Variants in MALSU1 observed in about 807,000 individuals in gnomAD.
MALSU1 encodes the protein mitochondrial assembly of ribosomal large subunit 1, also known as mitochondrial assembly of ribosomal large subunit protein 1.
Under a neutral mutation model 22.1 loss-of-function variants are expected in MALSU1, and 22 were observed. The observed-to-expected ratio is 1.00, with a 90% CI of 0.71 to 1.42. MALSU1 has a LOEUF of 1.42. Among genes scored for constraint, MALSU1 ranks in the 40% most tolerant of loss-of-function variants. The pLI, the probability that MALSU1 is intolerant of heterozygous loss-of-function variation, is 0.00. For synonymous variants in MALSU1, 153 were observed against 118.5 expected (o/e 1.29, Z -1.89); for missense variants, 379 against 308.3 (o/e 1.23, Z -1.72).
At chr7:23,301,194 C>T in intron 2 of MALSU1, 177 bp downstream of exon 2, 1 of 563,716 alleles carries the variant, frequency 1.8e-6, no homozygotes, top group Admixed American at 3.1e-5. Flanking sequence ...CATATGGGAG[C>T]AAATATCCAG....
intron 2 of MALSU1, among the ~76,000 whole-genome samples, chr7:23,304,984 A>G (rs1783705859): frequency 6.6e-6 from 1 of 152,138 alleles, no homozygotes; most frequent in Non-Finnish European, 1.5e-5. Flanking sequence ...TTGGTATTAT[A>G]TCTAATAAAT....
At chr7:23,302,606 T>G (rs1249471076) in intron 2 of MALSU1, among the ~76,000 whole-genome samples, 1 of 152,172 alleles carries the variant, frequency 6.6e-6, no homozygotes, top group Non-Finnish European at 1.5e-5. Context: ...GTCAGAAGAC[T>G]TAGTGACCAT....
intron 2 of MALSU1, chr7:23,301,239 C>G (rs1783641006): frequency 5.1e-6 from 2 of 395,380 alleles, no homozygotes; most frequent in African/African-American, 4.1e-5. Context: ...AATCTTTTCT[C>G]TTGTGACCGC....
intron 2 of MALSU1, among the ~76,000 whole-genome samples, chr7:23,307,120 C>T (rs556966806): frequency 6.6e-5 from 10 of 152,264 alleles, no homozygotes; most frequent in East Asian, 3.9e-4. Flanking sequence ...TTTGCTATTT[C>T]GTCTAGGTTA....
At position 23,309,417 on chromosome 7, in the gene MALSU1, A is replaced by G. The variant is rs767836234; in HGVS notation, c.579A>G (p.Leu193=). 2 of 1,613,618 alleles carry G rather than the reference A, an allele frequency of 1.2e-6. No individual in the cohort carries two copies. Among genetic ancestry groups the G allele is most frequent in the Non-Finnish European group, 8.5e-7 (1 of 1,179,850 alleles). ...GAGAAATCTATGAATTAGAGAAATT[A>G]TGGACCCTACGTTCTTATGATGACC... ...ETREIYELEK[L]WTLRSYDDQL... is the part of the protein sequence containing the mutation. The change falls in exon 4 of 4, where the codon TTA becomes TTG. Residue 193 remains leucine (L), a synonymous_variant. Coordinates refer to ENST00000466681, the MANE Select transcript of MALSU1 (RefSeq NM_138446.2).
intron 2 of MALSU1, among the ~76,000 whole-genome samples, chr7:23,301,645 C>T (rs1195723369): frequency 1.3e-5 from 2 of 152,304 alleles, no homozygotes; most frequent in East Asian, 3.9e-4. Flanking sequence ...ACGGTAGCCA[C>T]TAGCTACATG....
chr7:23,301,764 A>G (rs1783651930), intron 2 of MALSU1, among the ~76,000 whole-genome samples: 1 of 152,124 alleles, frequency 6.6e-6, no homozygotes, highest in South Asian at 2.1e-4. Flanking sequence ...AGGTCAAAAG[A>G]TCAAGACCAT....
chr7:23,300,727 A>C (rs1783630848), intron 1 of MALSU1, 112 bp from the exon 2 acceptor site: 2 of 901,542 alleles, frequency 2.2e-6, no homozygotes, highest in Non-Finnish European at 3.5e-6. Flanking sequence ...CTGTAAAAAC[A>C]CTTTGGATCT....
In MALSU1 at chr7:23,303,262, C is replaced by T. The variant is rs548836812; in HGVS notation, c.435+2245C>T. On this transcript the variant is annotated intron_variant, in intron 2 of 3. Transcript: ENST00000466681. The stretch of plus-strand genomic sequence containing the variant: ...TGTCTCTATGAATTTGACTACTTTT[C>T]AGTATCTCATAAAAGTAGAATCATA... Among the ~76,000 whole-genome samples, 7 of 152,318 alleles carry T rather than the reference C, an allele frequency of 4.6e-5. 1 individual carries two copies. Among genetic ancestry groups the T allele is most frequent in the African/African-American group, 1.7e-4 (7 of 41,570 alleles).
In MALSU1 at chr7:23,310,821, T is replaced by A. The variant is rs1783805403; in HGVS notation, c.*1278T>A. 1 of 152,200 alleles carries A rather than the reference T, an allele frequency of 6.6e-6. No individual in the cohort carries two copies. The highest frequency in any genetic ancestry group is 1.9e-4 in the East Asian group (1 of 5,202). The allele number at this position is 152,200 out of a possible 1,614,324, so 9.4% of individuals were successfully genotyped here. A position where few individuals can be genotyped will look rare whatever the true frequency, so the allele number is the denominator to read the frequency against. On this transcript the variant is annotated 3_prime_UTR_variant, in exon 4 of 4. Coordinates refer to ENST00000466681, the MANE Select transcript of MALSU1 (RefSeq NM_138446.2). ...TTTTAAAGGGTTATATATATGTCCT[T>A]TAGATCAGTGTAACATGACTGTGAT... is the stretch of plus-strand genomic sequence containing the variant.
At chr7:23,306,582 G>A (rs1309966276) in intron 2 of MALSU1, among the ~76,000 whole-genome samples, 1 of 152,136 alleles carries the variant, frequency 6.6e-6, no homozygotes, top group Non-Finnish European at 1.5e-5. Context: ...TTCTCACATG[G>A]CCCTTATTAT....
chr7:23,304,977 G>A (rs1487278904), intron 2 of MALSU1, among the ~76,000 whole-genome samples: 2 of 152,032 alleles, frequency 1.3e-5, no homozygotes, highest in Admixed American at 1.3e-4. Flanking sequence ...TGTGTCTTTG[G>A]TATTATATCT....
At chr7:23,304,772 A>G (rs1382982164) in intron 2 of MALSU1, among the ~76,000 whole-genome samples, 4 of 152,200 alleles carry the variant, frequency 2.6e-5, no homozygotes, top group African/African-American at 9.6e-5. Flanking sequence ...CCATTTTAAA[A>G]TCAGGTTGTT....
At chr7:23,299,941 A>G (rs1783619428) in intron 1 of MALSU1, among the ~76,000 whole-genome samples, 1 of 151,984 alleles carries the variant, frequency 6.6e-6, no homozygotes, top group African/African-American at 2.4e-5. Context: ...GGGCTTGAGG[A>G]TTCTGAGGAG....
rs894462192 is a variant in MALSU1 at position 23,309,683 on chromosome 7, G to T, written c.*140G>T. The T allele has an allele frequency of 5.1e-6, 3 of 588,502 alleles. No homozygotes were observed. The highest frequency in any genetic ancestry group is 6.2e-5 in the East Asian group (2 of 32,056). 36.5% of individuals were successfully genotyped at this position (588,502 alleles called of 1,614,324 possible). A position where few individuals can be genotyped will look rare whatever the true frequency, so the allele number is the denominator to read the frequency against. On this transcript the variant is annotated 3_prime_UTR_variant, in exon 4 of 4. Transcript: ENST00000466681. ...ACCTCATGGGCACTCCTGCTAACTG[G>T]CATGCAGAGACTGTCGATAAGTGAG...
At chr7:23,306,449 A>G (rs1443854974) in intron 2 of MALSU1, among the ~76,000 whole-genome samples, 1 of 150,786 alleles carries the variant, frequency 6.6e-6, no homozygotes, top group Non-Finnish European at 1.5e-5. Context: ...TTTATTGACG[A>G]ATTGCTCTGA....
intron 2 of MALSU1, among the ~76,000 whole-genome samples, chr7:23,307,000 G>C (rs905311810): frequency 1.3e-5 from 2 of 152,140 alleles, no homozygotes; most frequent in Non-Finnish European, 2.9e-5. Context: ...TCTGGTCTAG[G>C]ACTTTTGTTG....
Position 23,301,248 on chromosome 7 carries a change from G to T in MALSU1, c.435+231G>T, listed in dbSNP as rs947555494. Reference sequence around the variant, plus strand: ...TATCAAAATCTTTTCTCTTGTGACCGCAAGGAAGATTTTTTTTTTTTTTCT... The same window carrying T: ...TATCAAAATCTTTTCTCTTGTGACCTCAAGGAAGATTTTTTTTTTTTTTCT... On this transcript the variant is annotated intron_variant, in intron 2 of 3. Transcript: ENST00000466681. 7 of 375,984 alleles carry T rather than the reference G, an allele frequency of 1.9e-5. No homozygotes were observed. In the East Asian group the frequency reaches 2.1e-4, roughly 11 times the overall value. The allele number at this position is 375,984 out of a possible 1,614,324, so 23.3% of individuals were successfully genotyped here.
chr7:23,300,401 C>G (rs538834775), intron 1 of MALSU1, among the ~76,000 whole-genome samples: 3 of 152,132 alleles, frequency 2.0e-5, no homozygotes, highest in Non-Finnish European at 4.4e-5. Context: ...CAGATACTGC[C>G]TAAGAGCCCT....
Sources: allele counts gnomAD v4.1 joint callset (sites outside exome capture counted in the v4.1 genomes callset), GRCh38; gene constraint gnomAD v4.1.1; transcripts MANE v1.5; gene names NCBI Gene and HGNC (gene_info 2026-07-23, HGNC 2026-07-21).